The following GYPE variants were observed in gnomAD, a reference collection of about 807,000 sequenced individuals.
The protein encoded by GYPE is glycophorin E (MNS blood group), also known as glycophorin-E.
In GYPE, 8 loss-of-function variants were observed where a neutral mutation model predicts 11.6. That is an observed-to-expected ratio of 0.69 (90% CI 0.41 to 1.25). The LOEUF is 1.25. GYPE is among the 50% of genes most tolerant of loss of function. GYPE has a pLI of 0.01. For synonymous variants in GYPE, 28 were observed against 29.6 expected (o/e 0.94, Z 0.18); for missense variants, 90 against 92.8 (o/e 0.97, Z 0.12).
intron 1 of GYPE, among the ~76,000 whole-genome samples, chr4:143,884,019 G>T (rs969458450): frequency 1.3e-5 from 2 of 152,006 alleles, no homozygotes; most frequent in Admixed American, 1.3e-4. Context: ...GGAGGGTGCT[G>T]CAATTTTCTT....
At chr4:143,898,584 T>C (rs531044923) in intron 1 of GYPE, among the ~76,000 whole-genome samples, 2 of 152,024 alleles carry the variant, frequency 1.3e-5, no homozygotes, top group Non-Finnish European at 2.9e-5. Context: ...GAATAAGAAA[T>C]TGGCAAAAAT....
intron 1 of GYPE, among the ~76,000 whole-genome samples, chr4:143,901,566 A>G (rs1486243202): frequency 6.6e-6 from 1 of 152,056 alleles, no homozygotes; most frequent in East Asian, 1.9e-4. Flanking sequence ...TGGATATGAT[A>G]ATAATGGCTG....
At chr4:143,880,033 G>A (rs1431651509) in intron 2 of GYPE, among the ~76,000 whole-genome samples, 2 of 152,124 alleles carry the variant, frequency 1.3e-5, no homozygotes, top group African/African-American at 4.8e-5. Flanking sequence ...AAACCCTGCA[G>A]GGCAACTCAC....
chr4:143,889,702 T>C (rs1181545524), intron 1 of GYPE, among the ~76,000 whole-genome samples: 2 of 152,172 alleles, frequency 1.3e-5, no homozygotes, highest in African/African-American at 2.4e-5. Context: ...TCACCATTCA[T>C]GAATCATGGA....
At chr4:143,903,088 G>T (rs1244738069) in intron 1 of GYPE, among the ~76,000 whole-genome samples, 1 of 152,004 alleles carries the variant, frequency 6.6e-6, no homozygotes, top group Non-Finnish European at 1.5e-5. Flanking sequence ...TCCACGTTTA[G>T]CATAAATGTC....
intron 1 of GYPE, among the ~76,000 whole-genome samples, chr4:143,882,769 G>T (rs1365401211): frequency 6.6e-6 from 1 of 152,112 alleles, no homozygotes; most frequent in African/African-American, 2.4e-5. Flanking sequence ...TTTCAGTTCA[G>T]TGTAATCCAC....
At chr4:143,882,428 T>G (rs981829841) in intron 1 of GYPE, among the ~76,000 whole-genome samples, 3 of 152,214 alleles carry the variant, frequency 2.0e-5, no homozygotes, top group African/African-American at 7.2e-5. Flanking sequence ...GATATGAGCT[T>G]CGGCTTATTT....
intron 1 of GYPE, among the ~76,000 whole-genome samples, chr4:143,904,552 G>T (rs1187023853): frequency 6.6e-6 from 1 of 152,058 alleles, no homozygotes; most frequent in Non-Finnish European, 1.5e-5. Flanking sequence ...GGGTATCTTA[G>T]AAAATGCTGA....
chr4:143,902,141 G>GGTCATTT (rs1400282942), intron 1 of GYPE, among the ~76,000 whole-genome samples: 1 of 152,130 alleles, frequency 6.6e-6, no homozygotes, highest in African/African-American at 2.4e-5. Flanking sequence ...ACAAAATTCT[G>GGTCATTT]GTCATTTGTC....
rs574665803 is a variant in GYPE at position 143,876,063 on chromosome 4, C to A, written c.*9+683G>T. Among the ~76,000 whole-genome samples, 4 of 151,666 alleles carry A rather than the reference C, an allele frequency of 2.6e-5. No homozygotes were observed. The East Asian group carries it at 7.7e-4, about 29-fold the overall frequency. On this transcript the variant is annotated intron_variant, in intron 3 of 3. Transcript: ENST00000358615. ...GGGTGGAAATTTGAAAAATCTGTTGCAAAATATGTGAGAATTAAGAAAGGC... is the reference window on the plus strand; with the variant it reads ...GGGTGGAAATTTGAAAAATCTGTTGAAAAATATGTGAGAATTAAGAAAGGC...
chr4:143,876,759 C>G lies in GYPE; in HGVS notation c.233G>C (p.Arg78Pro), dbSNP rs17018900. The change falls in exon 3 of 4, where the codon CGA becomes CCA. Residue 78 changes from arginine (R) to proline (P), a missense_variant. Transcript: ENST00000358615. ...GMIILISYCI[R>P] ...CTGAATTCTCACCTTTATCAGTCAT[C>G]GAATACAGTAAGAAATTAAGATGAT... 2.1e-4 allele frequency: 331 copies of G among 1,573,424 alleles called. 1 individual carries two copies. The African/African-American group carries it at 3.9e-3, about 18-fold the overall frequency.
At chr4:143,872,588 G>A (rs183664879) in intron 3 of GYPE, among the ~76,000 whole-genome samples, 200 of 152,132 alleles carry the variant, frequency 1.3e-3, no homozygotes, top group African/African-American at 4.5e-3. Flanking sequence ...GCGTTGGGTA[G>A]GCAGGGAAGA....
At chr4:143,902,684 A>G (rs4600867) in intron 1 of GYPE, among the ~76,000 whole-genome samples, 141,448 of 151,330 alleles carry the variant, frequency 0.93, 66,803 homozygotes, top group East Asian at 1. Context: ...TATTCAACCA[A>G]TATGCTACTA....
chr4:143,902,017 T>C (rs1019322535), intron 1 of GYPE, among the ~76,000 whole-genome samples: 1 of 152,002 alleles, frequency 6.6e-6, no homozygotes, highest in African/African-American at 2.4e-5. Flanking sequence ...TTCATTGGGG[T>C]TTACAGATGA....
chr4:143,889,355 A>G (rs1477089961), intron 1 of GYPE, among the ~76,000 whole-genome samples: 1 of 152,054 alleles, frequency 6.6e-6, no homozygotes, highest in African/African-American at 2.4e-5. Flanking sequence ...ACAGATGGAA[A>G]TCAAGATGAA....
chr4:143,883,171 G>C (rs1226953424), intron 1 of GYPE, among the ~76,000 whole-genome samples: 4 of 151,960 alleles, frequency 2.6e-5, no homozygotes, highest in Non-Finnish European at 5.9e-5. Context: ...AAAGTGTGTG[G>C]CACCTCCCCA....
chr4:143,881,005 A>G (rs566228051), intron 1 of GYPE, among the ~76,000 whole-genome samples: 2 of 152,310 alleles, frequency 1.3e-5, no homozygotes, highest in African/African-American at 4.8e-5. Context: ...ATAATTATAT[A>G]GAACAAAACT....
At chr4:143,903,058 G>T (rs1395134989) in intron 1 of GYPE, among the ~76,000 whole-genome samples, 15 of 151,130 alleles carry the variant, frequency 9.9e-5, no homozygotes, top group Non-Finnish European at 2.9e-5. Context: ...AATTTTCAGG[G>T]TTGGCTCCAT....
intron 1 of GYPE, among the ~76,000 whole-genome samples, chr4:143,899,713 G>A (rs1744789986): frequency 7.0e-6 from 1 of 142,756 alleles, no homozygotes; most frequent in Admixed American, 7.3e-5. Flanking sequence ...ACCATTCAAT[G>A]GGCAAAGGAT....
Sources: gnomAD v4.1 joint callset for allele counts (sites outside exome capture counted in the v4.1 genomes callset) on GRCh38, gnomAD v4.1.1 for gene constraint, MANE v1.5 for transcripts, NCBI Gene and HGNC (gene_info 2026-07-23, HGNC 2026-07-21) for gene names.